LRBA: variants seen among roughly 807,000 people sequenced by gnomAD.
The protein encoded by LRBA is lipopolysaccharide-responsive and beige-like anchor protein.
LRBA carries 176 observed loss-of-function variants against 330.0 expected under a neutral mutation model. The ratio of observed to expected loss-of-function variants is 0.53; its 90% confidence interval spans 0.47 to 0.60. The LOEUF (loss-of-function observed/expected upper bound fraction) is 0.60, where lower values mean the gene tolerates loss of function less well. LRBA is among the 20% of genes least tolerant of loss of function. The pLI is 0.00. For synonymous variants in LRBA, 1,230 were observed against 1,193.0 expected (o/e 1.03, Z -0.64); for missense variants, 3,259 against 3,444.8 (o/e 0.95, Z 1.35).
intron 17 of LRBA, among the ~76,000 whole-genome samples, chr4:150,883,820 T>A (rs1206854240): frequency 6.6e-6 from 1 of 152,162 alleles, no homozygotes; most frequent in African/African-American, 2.4e-5. Context: ...TAGTCCAAAT[T>A]AGAAATTTTT....
At chr4:150,590,934 A>G in intron 38 of LRBA, 75 bp from the exon 39 acceptor site, 2 of 1,430,652 alleles carry the variant, frequency 1.4e-6, no homozygotes, top group South Asian at 2.6e-5. Context: ...GGGCTTAGGT[A>G]AGGGTAGGTG....
intron 34 of LRBA, among the ~76,000 whole-genome samples, chr4:150,794,807 T>C (rs1157063447): frequency 1.3e-5 from 2 of 152,152 alleles, no homozygotes; most frequent in Non-Finnish European, 2.9e-5. Flanking sequence ...TTCTATATAC[T>C]GTATGCATTT....
At chr4:150,793,328 G>A (rs1740269260) in intron 34 of LRBA, among the ~76,000 whole-genome samples, 1 of 151,948 alleles carries the variant, frequency 6.6e-6, no homozygotes. Context: ...ATCTGATTAA[G>A]TCACAAGAAA....
chr4:150,492,523 T>A (rs1046819174), intron 40 of LRBA, among the ~76,000 whole-genome samples: 1 of 152,160 alleles, frequency 6.6e-6, no homozygotes, highest in East Asian at 1.9e-4. Flanking sequence ...ATACCACCAG[T>A]TGGTCTATGG....
intron 48 of LRBA, 53 bp from the exon 49 acceptor site, chr4:150,325,951 T>C: frequency 1.1e-6 from 1 of 939,508 alleles, no homozygotes; most frequent in Admixed American, 1.8e-5. Flanking sequence ...TTACAGGAAA[T>C]AGAACCCCAA....
intron 22 of LRBA, among the ~76,000 whole-genome samples, chr4:150,858,774 G>T (rs775316565): frequency 1.8e-4 from 27 of 152,182 alleles, no homozygotes; most frequent in Middle Eastern, 3.4e-3. Context: ...TGATCCACCT[G>T]CCTCAGCCTC....
intron 37 of LRBA, among the ~76,000 whole-genome samples, chr4:150,626,337 G>A (rs1254143157): frequency 6.6e-6 from 1 of 152,082 alleles, no homozygotes; most frequent in Non-Finnish European, 1.5e-5. Context: ...AAATTTTACA[G>A]TTAAGGTTTT....
At position 150,265,595 on chromosome 4, in the gene LRBA, T is replaced by C. The variant is rs954570408; in HGVS notation, c.*127A>G. On this transcript the variant is annotated 3_prime_UTR_variant, in exon 57 of 57. Coordinates refer to ENST00000651943, the MANE Select transcript of LRBA (RefSeq NM_001364905.1). ...CAAAGACTACAAAAATAGCAATTAT[T>C]AATAACTTTAAAAAATATTTTGCTT... 1.7e-5 allele frequency: 11 copies of C among 639,894 alleles called. No homozygotes were observed. Among genetic ancestry groups the C allele is most frequent in the Non-Finnish European group, 3.1e-5 (11 of 355,840 alleles). 39.6% of individuals were successfully genotyped at this position (639,894 alleles called of 1,614,324 possible). A position where few individuals can be genotyped will look rare whatever the true frequency, so the allele number is the denominator to read the frequency against.
chr4:150,456,859 T>C (rs1396808802), intron 44 of LRBA, among the ~76,000 whole-genome samples: 1 of 152,086 alleles, frequency 6.6e-6, no homozygotes, highest in African/African-American at 2.4e-5. Context: ...TGGTTAGAGA[T>C]AAGGTTCTAG....
intron 2 of LRBA, among the ~76,000 whole-genome samples, chr4:150,999,536 T>C (rs944954237): frequency 6.6e-6 from 1 of 151,952 alleles, no homozygotes; most frequent in Non-Finnish European, 1.5e-5. Flanking sequence ...GTCCTGGGAT[T>C]ACATGCATGA....
chr4:150,736,104 A>G (rs576257645), intron 35 of LRBA, among the ~76,000 whole-genome samples: 2 of 152,326 alleles, frequency 1.3e-5, no homozygotes, highest in South Asian at 4.1e-4. Flanking sequence ...CAAACAAAAT[A>G]GGCCAAACTC....
chr4:150,974,483 T>G (rs930143714), intron 2 of LRBA, among the ~76,000 whole-genome samples: 1 of 152,156 alleles, frequency 6.6e-6, no homozygotes, highest in African/African-American at 2.4e-5. Flanking sequence ...AAGTCTGAAT[T>G]CTATTCAAAG....
intron 34 of LRBA, among the ~76,000 whole-genome samples, chr4:150,777,157 G>A (rs1004013344): frequency 5.9e-5 from 9 of 152,060 alleles, no homozygotes; most frequent in African/African-American, 2.2e-4. Context: ...GCAGGGGCAT[G>A]ATTATAGCTC....
chr4:150,612,653 T>C (rs1009984669), intron 37 of LRBA, among the ~76,000 whole-genome samples: 1 of 152,230 alleles, frequency 6.6e-6, no homozygotes, highest in African/African-American at 2.4e-5. Context: ...GGCTTAATTA[T>C]ATTCATTTAC....
At chr4:150,371,430 T>G (rs1342740077) in intron 47 of LRBA, among the ~76,000 whole-genome samples, 2 of 152,016 alleles carry the variant, frequency 1.3e-5, no homozygotes, top group Non-Finnish European at 2.9e-5. Flanking sequence ...TGACCTCAGG[T>G]GATCTGCCTG....
At chr4:150,573,357 T>C (rs925710843) in intron 40 of LRBA, among the ~76,000 whole-genome samples, 4 of 152,188 alleles carry the variant, frequency 2.6e-5, no homozygotes, top group African/African-American at 9.7e-5. Flanking sequence ...ATTTCTCATC[T>C]CTCAGTCTTT....
chr4:150,863,066 G>C (rs1254892073), intron 22 of LRBA, among the ~76,000 whole-genome samples: 1 of 152,028 alleles, frequency 6.6e-6, no homozygotes, highest in East Asian at 1.9e-4. Flanking sequence ...CAGAGGCCCA[G>C]GCGGGGGGCC....
intron 56 of LRBA, among the ~76,000 whole-genome samples, chr4:150,275,217 C>A (rs543591340): frequency 1.7e-4 from 26 of 152,206 alleles, no homozygotes; most frequent in Middle Eastern, 3.4e-3. Context: ...AGGCCTTCAA[C>A]AAAATTCACC....
At chr4:150,538,814 C>CAAAA (rs35022729) in intron 40 of LRBA, among the ~76,000 whole-genome samples, 1 of 101,292 alleles carries the variant, frequency 9.9e-6, no homozygotes, top group African/African-American at 3.5e-5. Flanking sequence ...GGCCCTGTCT[C>CAAAA]AAAAAAAAAA....
Sources: allele counts gnomAD v4.1 joint callset (sites outside exome capture counted in the v4.1 genomes callset), GRCh38; gene constraint gnomAD v4.1.1; transcripts MANE v1.5; gene names NCBI Gene and HGNC (gene_info 2026-07-23, HGNC 2026-07-21).